Variants in ANKRD17 observed in about 807,000 individuals in gnomAD.
The protein encoded by ANKRD17 is ankyrin repeat domain-containing protein 17.
Under a neutral mutation model 229.7 loss-of-function variants are expected in ANKRD17, and 19 were observed. The observed-to-expected ratio is 0.08, with a 90% confidence interval of 0.06 to 0.12. The LOEUF (loss-of-function observed/expected upper bound fraction) is 0.12, where lower values mean the gene tolerates loss of function less well. ANKRD17 is among the 10% of genes least tolerant of loss of function. ANKRD17 has a pLI of 1.00. For missense variants in ANKRD17, 2,176 were observed against 3,176.8 expected, an observed-to-expected ratio of 0.68 and a Z score of 7.57; for synonymous variants, 1,112 against 1,146.1, an observed-to-expected ratio of 0.97 and a Z score of 0.60.
intron 8 of ANKRD17, 63 bp downstream of exon 8, chr4:73,148,750 T>G: frequency 6.9e-7 from 1 of 1,455,154 alleles, no homozygotes. Flanking sequence ...AAATCCAATT[T>G]TATAAAATTA....
rs1720841351 is a variant in ANKRD17, at chr4:73,073,536, T to G, written c.*2695A>C. 6.6e-6 allele frequency: 1 copy of G among 152,074 alleles called. No homozygotes were observed. 9.4% of individuals were successfully genotyped at this position (152,074 alleles called of 1,614,324 possible). On this transcript the variant is annotated 3_prime_UTR_variant, in exon 34 of 34. Coordinates refer to ENST00000358602, the MANE Select transcript of ANKRD17 (RefSeq NM_032217.5). Reference sequence around the variant, plus strand: ...TAGGTTATTTGAGTCAAAACACGGATGGACTATTATTTTTGTGAAGAACAA... The same window carrying G: ...TAGGTTATTTGAGTCAAAACACGGAGGGACTATTATTTTTGTGAAGAACAA...
chr4:73,095,851 AT>A, intron 27 of ANKRD17, among the ~76,000 whole-genome samples: 1 of 151,872 alleles, frequency 6.6e-6, no homozygotes, highest in Admixed American at 6.6e-5. Flanking sequence ...TGCCCAGCTA[AT>A]TTTTTAATTT....
chr4:73,099,387 C>A (rs111505468), intron 25 of ANKRD17, among the ~76,000 whole-genome samples: 20 of 152,136 alleles, frequency 1.3e-4, no homozygotes, highest in African/African-American at 4.8e-4. Flanking sequence ...CAGCTCCCCG[C>A]AACCACCCAC....
At position 73,255,948 on chromosome 4, in the gene ANKRD17, A is replaced by G. The variant is rs571736528; in HGVS notation, c.393+2328T>C. Reference sequence around the variant, plus strand: ...ACCATGTTGGCCAGGCTGGTCTCAAACTCCTGACCTCAGGTGATCCGCCCG... The same window carrying G: ...ACCATGTTGGCCAGGCTGGTCTCAAGCTCCTGACCTCAGGTGATCCGCCCG... On this transcript the variant is annotated intron_variant, in intron 1 of 33. Transcript: ENST00000358602. Among the ~76,000 whole-genome samples, 277 of 151,956 alleles carry G rather than the reference A, an allele frequency of 1.8e-3. 2 individuals carry two copies. The highest frequency in any genetic ancestry group is 1.5e-3 in the Non-Finnish European group (104 of 67,934).
chr4:73,145,402 G>A (rs1203626032), intron 10 of ANKRD17, among the ~76,000 whole-genome samples: 1 of 151,918 alleles, frequency 6.6e-6, no homozygotes, highest in Non-Finnish European at 1.5e-5. Context: ...AGAGCTTTCT[G>A]GGTCCCAAAA....
At chr4:73,253,237 T>C (rs1221279594) in intron 1 of ANKRD17, among the ~76,000 whole-genome samples, 1 of 152,218 alleles carries the variant, frequency 6.6e-6, no homozygotes, top group East Asian at 1.9e-4. Context: ...AGATGTACAT[T>C]TAACCACTTA....
At chr4:73,228,319 T>C (rs1366251320) in intron 1 of ANKRD17, among the ~76,000 whole-genome samples, 1 of 152,200 alleles carries the variant, frequency 6.6e-6, no homozygotes, top group African/African-American at 2.4e-5. Context: ...TCTCCTAAAC[T>C]ACTCATGCTA....
At chr4:73,229,985 A>G (rs1486755324) in intron 1 of ANKRD17, among the ~76,000 whole-genome samples, 2 of 152,258 alleles carry the variant, frequency 1.3e-5, no homozygotes, top group East Asian at 3.9e-4. Flanking sequence ...GTACAAGAAT[A>G]CAGGGCCACA....
chr4:73,097,837 G>A (rs1012159819), intron 26 of ANKRD17, among the ~76,000 whole-genome samples: 8 of 148,632 alleles, frequency 5.4e-5, no homozygotes, highest in African/African-American at 2.1e-4. Context: ...TATTTTTCAT[G>A]TGCTAAGTTT....
chr4:73,258,371 C>T lies in ANKRD17; in HGVS notation c.298G>A (p.Gly100Ser). 1 of 1,609,790 alleles carries T rather than the reference C, an allele frequency of 6.2e-7. No homozygotes were observed. The highest frequency in any genetic ancestry group is 8.5e-7 in the Non-Finnish European group (1 of 1,178,824). ...SDSDNSGGGG[G>S]GGGGGGGGGG... is the part of the protein sequence containing the mutation. ...CCGCCACCTCCGCCTCCACCGCCGC[C>T]TCCACCGCCGCCGCTGTTGTCGCTG... The change falls in exon 1 of 34, where the codon GGC (glycine) becomes AGC (serine). Residue 100 changes from glycine to serine, a missense_variant. Gly to Ser is a moderately conservative substitution (Grantham distance 56). Transcript: ENST00000358602.
At chr4:73,115,317 G>A (rs1359977639) in intron 23 of ANKRD17, among the ~76,000 whole-genome samples, 1 of 152,128 alleles carries the variant, frequency 6.6e-6, no homozygotes, top group East Asian at 1.9e-4. Flanking sequence ...TGAGACAAGA[G>A]TCTTGCTTTG....
intron 1 of ANKRD17, among the ~76,000 whole-genome samples, chr4:73,198,926 G>A (rs748190416): frequency 6.6e-6 from 1 of 152,072 alleles, no homozygotes; most frequent in Non-Finnish European, 1.5e-5. Context: ...CGTAAAACTT[G>A]TAACACATAA....
At chr4:73,228,617 T>C (rs1742742234) in intron 1 of ANKRD17, among the ~76,000 whole-genome samples, 1 of 152,258 alleles carries the variant, frequency 6.6e-6, no homozygotes, top group Non-Finnish European at 1.5e-5. Flanking sequence ...AGATGGATAC[T>C]ATTATGCATA....
Position 73,091,537 on chromosome 4 carries a change from T to C in ANKRD17, c.6091A>G (p.Met2031Val), listed in dbSNP as rs1722798181. 5.0e-6 allele frequency: 8 copies of C among 1,614,142 alleles called. No individual in the cohort carries two copies. The highest frequency in any genetic ancestry group is 6.8e-6 in the Non-Finnish European group (8 of 1,180,020). Residue 2031 changes from methionine to valine, a missense_variant, in exon 29 of 34, where the codon ATG (methionine) becomes GTG (valine). Met to Val is a conservative substitution (Grantham distance 21). Around this residue, in one of 18 missense-constraint regions of ANKRD17, gnomAD observed 424 missense variants for 454.0 expected, o/e 0.93. Transcript: ENST00000358602. The stretch of plus-strand genomic sequence containing the variant: ...GGATAGTGTTCTTTGGCAGTAGGCA[T>C]AGGATATGTGGCATTTGTGGGTGCA... ...NTAPTNATYPMPTAKEHYPVS... is the reference protein window; with the variant it reads ...NTAPTNATYPVPTAKEHYPVS...
chr4:73,183,282 A>C (rs1173377940), intron 1 of ANKRD17, among the ~76,000 whole-genome samples: 1 of 152,174 alleles, frequency 6.6e-6, no homozygotes, highest in Non-Finnish European at 1.5e-5. Flanking sequence ...AGATAATATA[A>C]AGGAATTACT....
rs1720864417 is a variant in ANKRD17, at chr4:73,074,063, C to T, written c.*2168G>A. The T allele has an allele frequency of 6.6e-6, 1 of 151,946 alleles. No individual in the cohort carries two copies. The highest frequency in any genetic ancestry group is 2.4e-5 in the African/African-American group (1 of 41,400). 9.4% of individuals were successfully genotyped at this position (151,946 alleles called of 1,614,324 possible). On this transcript the variant is annotated 3_prime_UTR_variant, in exon 34 of 34. Transcript: ENST00000358602. ...ATGTATTTTAAAAATGTTCCTAGTACAGACTTCTAAAACCATGGTATTGTA... is the reference window on the plus strand; with the variant it reads ...ATGTATTTTAAAAATGTTCCTAGTATAGACTTCTAAAACCATGGTATTGTA...
At chr4:73,115,456 AATTTTTGT>A (rs1433938720) in intron 23 of ANKRD17, among the ~76,000 whole-genome samples, 1 of 152,012 alleles carries the variant, frequency 6.6e-6, no homozygotes, top group Non-Finnish European at 1.5e-5. Flanking sequence ...ATGCCAGGCT[AATTTTTGT>A]ATTTTTGTAG....
chr4:73,178,410 C>G (rs1345614655), intron 1 of ANKRD17, among the ~76,000 whole-genome samples: 2 of 152,014 alleles, frequency 1.3e-5, no homozygotes, highest in Non-Finnish European at 2.9e-5. Flanking sequence ...AACATGCATT[C>G]AAAAGGGGAG....
chr4:73,126,903 C>T (rs1173491707), intron 16 of ANKRD17, among the ~76,000 whole-genome samples: 1 of 151,886 alleles, frequency 6.6e-6, no homozygotes, highest in African/African-American at 2.4e-5. Context: ...CAGCTAGATA[C>T]CTTTTAGTAC....
Sources: allele counts gnomAD v4.1 joint callset (sites outside exome capture counted in the v4.1 genomes callset), GRCh38; gene constraint gnomAD v4.1.1; regional missense constraint gnomAD v4.1.1; transcripts MANE v1.5; gene names NCBI Gene and HGNC (gene_info 2026-07-23, HGNC 2026-07-21).